NELL1: variants seen among roughly 807,000 people sequenced by gnomAD.
NELL1 encodes protein kinase C-binding protein NELL1.
In NELL1, 76 loss-of-function variants were observed where a neutral mutation model predicts 107.4. The observed-to-expected ratio is 0.71, with a 90% CI of 0.59 to 0.86. The LOEUF (loss-of-function observed/expected upper bound fraction) is 0.86, where lower values mean the gene tolerates loss of function less well. NELL1 is among the 40% of genes least tolerant of loss of function. The pLI, the probability that NELL1 is intolerant of heterozygous loss-of-function variation, is 0.00. For synonymous variants in NELL1, 353 were observed against 341.2 expected (o/e 1.03, Z -0.38); for missense variants, 1,024 against 1,005.5 (o/e 1.02, Z -0.25).
At chr11:21,467,270 A>C (rs926470224) in intron 15 of NELL1, among the ~76,000 whole-genome samples, 1 of 152,094 alleles carries the variant, frequency 6.6e-6, no homozygotes, top group African/African-American at 2.4e-5. Flanking sequence ...TAAATTGGAG[A>C]TAGCAATAGT....
At chr11:21,493,103 T>C (rs1854874759) in intron 15 of NELL1, among the ~76,000 whole-genome samples, 1 of 151,890 alleles carries the variant, frequency 6.6e-6, no homozygotes, top group South Asian at 2.1e-4. Context: ...TGATAGTGAG[T>C]ATGCAGAGAA....
chr11:20,995,707 A>G (rs1852076830), intron 12 of NELL1, among the ~76,000 whole-genome samples: 3 of 152,140 alleles, frequency 2.0e-5, no homozygotes, highest in Non-Finnish European at 2.9e-5. Context: ...CTTATTGTGT[A>G]TCAATCAATA....
At chr11:21,357,157 G>A (rs568897866) in intron 14 of NELL1, among the ~76,000 whole-genome samples, 13 of 152,174 alleles carry the variant, frequency 8.5e-5, no homozygotes, top group South Asian at 2.1e-4. Flanking sequence ...CTTTTCCTCC[G>A]GGTAGATACC....
chr11:21,529,823 CT>C (rs1028202147), intron 15 of NELL1, among the ~76,000 whole-genome samples: 111 of 152,062 alleles, frequency 7.3e-4, no homozygotes, highest in African/African-American at 2.6e-3. Context: ...GCTTAAGAGT[CT>C]TTTTTTGTTT....
intron 15 of NELL1, among the ~76,000 whole-genome samples, chr11:21,498,780 C>T (rs1855056944): frequency 6.6e-6 from 1 of 151,990 alleles, no homozygotes; most frequent in Admixed American, 6.6e-5. Flanking sequence ...AGGAGAGTTG[C>T]TTTTCTACAT....
At chr11:20,820,064 G>T (rs1050082602) in intron 3 of NELL1, among the ~76,000 whole-genome samples, 1 of 152,156 alleles carries the variant, frequency 6.6e-6, no homozygotes, top group African/African-American at 2.4e-5. Context: ...AGTTTTGAAG[G>T]CTGGTTTTAT....
chr11:21,454,467 C>A (rs1853670985), intron 15 of NELL1, among the ~76,000 whole-genome samples: 1 of 152,180 alleles, frequency 6.6e-6, no homozygotes, highest in African/African-American at 2.4e-5. Flanking sequence ...CCCATTCTAG[C>A]CTCTCTGCTG....
At chr11:21,496,973 T>G (rs566528549) in intron 15 of NELL1, among the ~76,000 whole-genome samples, 3 of 152,246 alleles carry the variant, frequency 2.0e-5, no homozygotes, top group African/African-American at 7.2e-5. Flanking sequence ...TTTTTATGGC[T>G]GCATAGTATT....
chr11:21,442,340 C>T (rs375826462), intron 15 of NELL1, among the ~76,000 whole-genome samples: 8 of 152,046 alleles, frequency 5.3e-5, no homozygotes, highest in East Asian at 1.9e-4. Context: ...GTATGTTAAA[C>T]GGTAGAAAAT....
intron 14 of NELL1, among the ~76,000 whole-genome samples, chr11:21,366,105 G>A (rs1851213508): frequency 6.6e-6 from 1 of 152,026 alleles, no homozygotes; most frequent in Non-Finnish European, 1.5e-5. Context: ...AACAAGGTGA[G>A]GAATGAAACC....
At chr11:20,674,540 T>C (rs762569815) in intron 1 of NELL1, 1 of 1,535,688 alleles carries the variant, frequency 6.5e-7, no homozygotes, top group South Asian at 1.2e-5. Flanking sequence ...ACTAGAGTTC[T>C]GAAGTCTCTG....
intron 12 of NELL1, among the ~76,000 whole-genome samples, chr11:21,084,183 A>T (rs967875936): frequency 6.6e-6 from 1 of 152,212 alleles, no homozygotes; most frequent in African/African-American, 2.4e-5. Flanking sequence ...CGTTGCAGAT[A>T]ATAGTGATGC....
At chr11:20,761,860 G>T (rs1052059228) in intron 2 of NELL1, among the ~76,000 whole-genome samples, 11 of 152,206 alleles carry the variant, frequency 7.2e-5, no homozygotes, top group Admixed American at 6.5e-5. Flanking sequence ...TGATGGTTTT[G>T]CAGAGCCACA....
chr11:21,526,806 T>A (rs375604180), intron 15 of NELL1, among the ~76,000 whole-genome samples: 1 of 152,206 alleles, frequency 6.6e-6, no homozygotes, highest in South Asian at 2.1e-4. Context: ...GTCCTGAAGC[T>A]GCACACAGCA....
intron 15 of NELL1, among the ~76,000 whole-genome samples, chr11:21,381,044 A>G (rs1851595854): frequency 6.6e-6 from 1 of 152,066 alleles, no homozygotes; most frequent in Admixed American, 6.6e-5. Context: ...TCATTCAGCC[A>G]GTCAGTAGTC....
intron 14 of NELL1, among the ~76,000 whole-genome samples, chr11:21,254,972 A>G (rs956508231): frequency 1.3e-5 from 2 of 152,082 alleles, no homozygotes; most frequent in African/African-American, 4.8e-5. Flanking sequence ...GAGAGGGAGC[A>G]GAGGGAATGG....
At chr11:21,568,019 C>G (rs1384213029) in intron 17 of NELL1, among the ~76,000 whole-genome samples, 3 of 151,740 alleles carry the variant, frequency 2.0e-5, no homozygotes, top group Non-Finnish European at 4.4e-5. Context: ...TCATGCATCA[C>G]TTAATGACAG....
chr11:21,575,173 G>A lies in NELL1; in HGVS notation c.*151G>A, dbSNP rs984377640. 3 of 715,658 alleles carry A rather than the reference G, an allele frequency of 4.2e-6. No individual in the cohort carries two copies. The highest frequency in any genetic ancestry group is 3.5e-5 in the African/African-American group (2 of 56,516). The allele number at this position is 715,658 out of a possible 1,614,324, so 44.3% of individuals were successfully genotyped here. ...TTTCCACCTGAGGACGGTGTTTGGA[G>A]GTTGCCTTTTGGACCTACCACTTTG... On this transcript the variant is annotated 3_prime_UTR_variant, in exon 20 of 20. Coordinates refer to ENST00000357134, the MANE Select transcript of NELL1 (RefSeq NM_006157.5).
At chr11:20,839,736 T>C (rs1459385851) in intron 3 of NELL1, among the ~76,000 whole-genome samples, 1 of 152,236 alleles carries the variant, frequency 6.6e-6, no homozygotes, top group Non-Finnish European at 1.5e-5. Flanking sequence ...ACAAGATATC[T>C]GGGTTCTGAA....
Sources: allele counts gnomAD v4.1 joint callset (sites outside exome capture counted in the v4.1 genomes callset), GRCh38; gene constraint gnomAD v4.1.1; transcripts MANE v1.5; gene names NCBI Gene and HGNC (gene_info 2026-07-23, HGNC 2026-07-21).